The following PCDH15 variants were observed in gnomAD, a reference collection of about 807,000 sequenced individuals.
PCDH15 encodes protocadherin related 15, also known as protocadherin-15.
A neutral mutation model predicts 178.5 loss-of-function variants in PCDH15; 129 were observed. That is an observed-to-expected ratio of 0.72 (90% confidence interval 0.63 to 0.84). PCDH15 has a LOEUF of 0.84. Ranked by LOEUF, PCDH15 falls within the 40% of genes least tolerant of loss-of-function variation. PCDH15 has a pLI of 0.00. For synonymous variants in PCDH15, 800 were observed against 732.0 expected, an observed-to-expected ratio of 1.09 and a Z score of -1.50; for missense variants, 2,230 against 2,099.9, an observed-to-expected ratio of 1.06 and a Z score of -1.21.
intron 8 of PCDH15, among the ~76,000 whole-genome samples, chr10:54,298,300 G>A (rs2059924906): frequency 6.6e-6 from 1 of 152,096 alleles, no homozygotes; most frequent in South Asian, 2.1e-4. Context: ...TGAGCCCTAG[G>A]CCCTGAATAA....
At chr10:53,812,844 A>G (rs1190888343) in intron 35 of PCDH15, among the ~76,000 whole-genome samples, 1 of 152,174 alleles carries the variant, frequency 6.6e-6, no homozygotes, top group East Asian at 1.9e-4. Flanking sequence ...TCTATCATCT[A>G]TTATTTATAA....
intron 2 of PCDH15, among the ~76,000 whole-genome samples, chr10:55,046,996 A>G (rs1209009443): frequency 6.6e-6 from 1 of 151,896 alleles, no homozygotes; most frequent in East Asian, 1.9e-4. Context: ...GTTAGTAAAA[A>G]CATGACAGCT....
chr10:55,230,843 A>G (rs565532987), intron 1 of PCDH15, among the ~76,000 whole-genome samples: 73 of 152,032 alleles, frequency 4.8e-4, no homozygotes, highest in Non-Finnish European at 8.8e-4. Flanking sequence ...ATAACTCAGC[A>G]TACATATTAT....
At chr10:54,451,646 C>T (rs1205062102) in intron 3 of PCDH15, among the ~76,000 whole-genome samples, 1 of 151,738 alleles carries the variant, frequency 6.6e-6, no homozygotes, top group African/African-American at 2.4e-5. Flanking sequence ...CATACATTTA[C>T]CAAAATCTAA....
At chr10:53,957,858 A>G (rs183621243) in intron 23 of PCDH15, among the ~76,000 whole-genome samples, 312 of 152,304 alleles carry the variant, frequency 2.0e-3, no homozygotes, top group African/African-American at 6.7e-3. Flanking sequence ...ATAATAATGT[A>G]CATGTGGGTG....
intron 1 of PCDH15, among the ~76,000 whole-genome samples, chr10:55,250,377 G>T (rs890505385): frequency 6.6e-6 from 1 of 151,110 alleles, no homozygotes; most frequent in Non-Finnish European, 1.5e-5. Flanking sequence ...AAACTCCTGG[G>T]CTACAGCTAT....
chr10:55,506,031 A>G (rs892528165), intron 2 of PCDH15, among the ~76,000 whole-genome samples: 2 of 147,486 alleles, frequency 1.4e-5, no homozygotes, highest in Non-Finnish European at 3.0e-5. Flanking sequence ...ATTAACATGA[A>G]AATGTTGTAA....
chr10:54,225,534 C>T (rs554580587), intron 9 of PCDH15, among the ~76,000 whole-genome samples: 23 of 152,280 alleles, frequency 1.5e-4, no homozygotes, highest in African/African-American at 5.1e-4. Flanking sequence ...ACTTGTACCA[C>T]GGTGATAGCC....
chr10:54,415,369 A>T (rs1298075764), intron 3 of PCDH15, among the ~76,000 whole-genome samples: 4 of 152,038 alleles, frequency 2.6e-5, no homozygotes, highest in Non-Finnish European at 4.4e-5. Flanking sequence ...AGAAATTTTT[A>T]AAAATAGTCA....
At chr10:54,583,643 T>C (rs1386643681) in intron 2 of PCDH15, among the ~76,000 whole-genome samples, 2 of 152,080 alleles carry the variant, frequency 1.3e-5, no homozygotes, top group Admixed American at 6.6e-5. Flanking sequence ...GATTATCAAC[T>C]CCCAATTTCT....
At chr10:54,829,574 A>G (rs1408942791) in intron 3 of PCDH15, among the ~76,000 whole-genome samples, 1 of 152,076 alleles carries the variant, frequency 6.6e-6, no homozygotes, top group Non-Finnish European at 1.5e-5. Flanking sequence ...AGTAAATGGT[A>G]CAGCCAGAAA....
intron 8 of PCDH15, among the ~76,000 whole-genome samples, chr10:54,254,950 T>G (rs1022276862): frequency 6.6e-6 from 1 of 152,196 alleles, no homozygotes; most frequent in African/African-American, 2.4e-5. Flanking sequence ...TGGCAACAAT[T>G]TATGTCTTCC....
intron 10 of PCDH15, among the ~76,000 whole-genome samples, chr10:54,196,533 A>G (rs977678560): frequency 6.6e-6 from 1 of 152,198 alleles, no homozygotes; most frequent in African/African-American, 2.4e-5. Flanking sequence ...ACTTGAGTGT[A>G]CCGCTGATAA....
chr10:53,958,513 A>T (rs2087863336), intron 23 of PCDH15, among the ~76,000 whole-genome samples: 2 of 152,172 alleles, frequency 1.3e-5, no homozygotes, highest in South Asian at 2.1e-4. Flanking sequence ...TATATTTTTC[A>T]TATAGTTATT....
In PCDH15 at chr10:55,140,178, G is replaced by C. The variant is rs569759865; in HGVS notation, c.-80+26398C>G. ...GGATATTTTTCTTTTCAATTTTGTA[G>C]ATTCTTTAAGAGTTTCCATATAAAT... On this transcript the variant is annotated intron_variant, in intron 2 of 5. Transcript: ENST00000458638. 1.1e-3 allele frequency among the ~76,000 whole-genome samples: 161 copies of C among 151,892 alleles called. 1 individual carries two copies. The highest frequency in any genetic ancestry group is 3.5e-3 in the African/African-American group (147 of 41,508).
At chr10:54,106,483 A>G (rs1196182063) in intron 15 of PCDH15, among the ~76,000 whole-genome samples, 1 of 152,186 alleles carries the variant, frequency 6.6e-6, no homozygotes, top group Non-Finnish European at 1.5e-5. Flanking sequence ...GTATCTTCCT[A>G]AGGGAAATGT....
At position 55,360,897 on chromosome 10, in the gene PCDH15, A is replaced by G. The variant is rs1372103074; in HGVS notation, c.-155-194246T>C. Among the ~76,000 whole-genome samples the G allele has an allele frequency of 2.0e-5, 3 of 152,020 alleles. No individual in the cohort carries two copies. In the East Asian group the frequency reaches 5.8e-4, roughly 29 times the overall value. On this transcript the variant is annotated intron_variant, in intron 2 of 5. Coordinates refer to the PCDH15 transcript ENST00000613346. ...AAAAGATAAGCATGAGAATGTTCATAGAATCACTTCAAAATATCTCAAACT... is the reference window on the plus strand; with the variant it reads ...AAAAGATAAGCATGAGAATGTTCATGGAATCACTTCAAAATATCTCAAACT...
intron 3 of PCDH15, among the ~76,000 whole-genome samples, chr10:54,846,263 T>G (rs1933962686): frequency 1.3e-5 from 2 of 152,172 alleles, no homozygotes; most frequent in South Asian, 4.1e-4. Flanking sequence ...TTTTTGCTCA[T>G]TATTCTAAAG....
chr10:54,316,529 TACACACACACACACACACACAC>T (rs35604056), intron 8 of PCDH15, among the ~76,000 whole-genome samples: 2,700 of 132,270 alleles, frequency 0.02, 71 homozygotes, highest in African/African-American at 0.065. Context: ...AATATGTGTA[TACACACACACACACACACACAC>T]ACACACACAC....
Sources: gnomAD v4.1 joint callset for allele counts (sites outside exome capture counted in the v4.1 genomes callset) on GRCh38, gnomAD v4.1.1 for gene constraint, MANE v1.5 for transcripts, NCBI Gene and HGNC (gene_info 2026-07-23, HGNC 2026-07-21) for gene names.